Variants in MBD5 observed in about 807,000 individuals in gnomAD.
The protein encoded by MBD5 is methyl-CpG binding domain protein 5.
In MBD5, 13 loss-of-function variants were observed where a neutral mutation model predicts 117.3. The ratio of observed to expected loss-of-function variants is 0.11; its 90% CI spans 0.07 to 0.18. The LOEUF (loss-of-function observed/expected upper bound fraction) is 0.18, where lower values mean the gene tolerates loss of function less well. MBD5 is among the 10% of genes least tolerant of loss of function. The probability of loss-of-function intolerance (pLI) is 1.00; values close to 1 mark genes in which losing one functional copy is unlikely to be tolerated. For synonymous variants in MBD5, 727 were observed against 766.4 expected (o/e 0.95, Z 0.85); for missense variants, 1,879 against 2,093.8 (o/e 0.90, Z 2.00).
chr2:148,224,509 ATTTTTTTTTTTTT>A (rs34659671), intron 2 of MBD5, among the ~76,000 whole-genome samples: 16 of 58,182 alleles, frequency 2.7e-4, no homozygotes, highest in Non-Finnish European at 4.2e-4. Flanking sequence ...CGCCTGGCTA[ATTTTTTTTTTTTT>A]TTTTTTTTTT....
chr2:148,039,173 T>G (rs561626537), intron 1 of MBD5, among the ~76,000 whole-genome samples: 53 of 152,202 alleles, frequency 3.5e-4, no homozygotes, highest in Non-Finnish European at 6.5e-4. Flanking sequence ...GTGAGCATAT[T>G]TTAATTTATA....
At chr2:148,227,340 A>C (rs1220805338) in intron 2 of MBD5, among the ~76,000 whole-genome samples, 1 of 152,214 alleles carries the variant, frequency 6.6e-6, no homozygotes, top group African/African-American at 2.4e-5. Context: ...ATGGCTAGCC[A>C]GTTTTCCCAG....
chr2:148,383,743 A>G (rs1042137476), intron 4 of MBD5, among the ~76,000 whole-genome samples: 1 of 152,184 alleles, frequency 6.6e-6, no homozygotes, highest in East Asian at 1.9e-4. Context: ...CCAGCAACAC[A>G]TCAAAAAGCT....
chr2:148,109,484 A>C (rs1026851786), intron 1 of MBD5, among the ~76,000 whole-genome samples: 2 of 152,196 alleles, frequency 1.3e-5, no homozygotes, highest in African/African-American at 4.8e-5. Context: ...CAATTTTAAA[A>C]GATGTCTTTG....
At chr2:148,481,079 T>A (rs532920602) in intron 8 of MBD5, among the ~76,000 whole-genome samples, 1 of 152,264 alleles carries the variant, frequency 6.6e-6, no homozygotes, top group South Asian at 2.1e-4. Context: ...TCCCTTTTTT[T>A]GATTCTCAAA....
At chr2:148,391,696 C>A (rs1704576025) in intron 4 of MBD5, among the ~76,000 whole-genome samples, 1 of 152,138 alleles carries the variant, frequency 6.6e-6, no homozygotes, top group African/African-American at 2.4e-5. Context: ...GATGTTTTTA[C>A]AATAGGCACA....
chr2:148,405,834 G>T (rs1705058999), intron 4 of MBD5, among the ~76,000 whole-genome samples: 1 of 152,044 alleles, frequency 6.6e-6, no homozygotes, highest in Non-Finnish European at 1.5e-5. Flanking sequence ...AACAGTTGCT[G>T]GTAGCTGGGC....
At chr2:148,128,942 C>G (rs1160745904) in intron 1 of MBD5, among the ~76,000 whole-genome samples, 1 of 152,202 alleles carries the variant, frequency 6.6e-6, no homozygotes. Flanking sequence ...TTGAATGTTT[C>G]TATCAGCATA....
At chr2:148,302,838 C>G (rs972833552) in intron 3 of MBD5, among the ~76,000 whole-genome samples, 4 of 151,582 alleles carry the variant, frequency 2.6e-5, no homozygotes, top group Admixed American at 6.6e-5. Context: ...CACTATCTTG[C>G]CCAGGCTTCT....
chr2:148,026,402 G>T (rs1461550345), intron 1 of MBD5: 1 of 152,102 alleles, frequency 6.6e-6, no homozygotes, highest in Non-Finnish European at 1.5e-5. Context: ...CTTTTATAAG[G>T]AATGTAGATA....
chr2:148,512,039 A>G (rs1406110172), intron 13 of MBD5, among the ~76,000 whole-genome samples: 1 of 152,172 alleles, frequency 6.6e-6, no homozygotes, highest in East Asian at 1.9e-4. Context: ...GCTAAAATGG[A>G]CTTGTGTCGA....
At chr2:148,090,742 GA>G (rs1246924248) in intron 1 of MBD5, among the ~76,000 whole-genome samples, 3 of 152,184 alleles carry the variant, frequency 2.0e-5, no homozygotes, top group East Asian at 1.9e-4. Flanking sequence ...ACATCATATG[GA>G]ATGGGGAAAA....
At chr2:148,455,955 A>G (rs550275414) in intron 4 of MBD5, among the ~76,000 whole-genome samples, 5 of 152,260 alleles carry the variant, frequency 3.3e-5, no homozygotes, top group African/African-American at 9.6e-5. Context: ...CCAGGATGAC[A>G]CAAAGTTCAT....
intron 4 of MBD5, among the ~76,000 whole-genome samples, chr2:148,415,939 CAT>C (rs1307225572): frequency 6.6e-6 from 1 of 152,156 alleles, no homozygotes; most frequent in Non-Finnish European, 1.5e-5. Flanking sequence ...TGTTCTGAGT[CAT>C]ATTCTGAGCT....
intron 3 of MBD5, among the ~76,000 whole-genome samples, chr2:148,274,732 T>G (rs555075283): frequency 1.3e-5 from 2 of 151,552 alleles, no homozygotes; most frequent in African/African-American, 4.8e-5. Flanking sequence ...TTTGTTTTTT[T>G]TTTTTTTGAG....
intron 11 of MBD5, among the ~76,000 whole-genome samples, chr2:148,497,088 A>C (rs1453734700): frequency 6.6e-6 from 1 of 151,840 alleles, no homozygotes; most frequent in African/African-American, 2.4e-5. Flanking sequence ...ACTATTTAAT[A>C]AATGTTTGAT....
chr2:148,057,123 T>G (rs1438069287), intron 1 of MBD5, among the ~76,000 whole-genome samples: 1 of 151,808 alleles, frequency 6.6e-6, no homozygotes, highest in Non-Finnish European at 1.5e-5. Context: ...TGTAATAAGA[T>G]TAGCAATTTT....
chr2:148,294,894 A>C (rs1371825007), intron 3 of MBD5, among the ~76,000 whole-genome samples: 1 of 152,076 alleles, frequency 6.6e-6, no homozygotes, highest in Non-Finnish European at 1.5e-5. Context: ...TCTGGTCTCC[A>C]TTGTTTCTGA....
chr2:148,359,243 G>C (rs932576978), intron 4 of MBD5, among the ~76,000 whole-genome samples: 3 of 143,762 alleles, frequency 2.1e-5, no homozygotes, highest in African/African-American at 7.9e-5. Flanking sequence ...CTTCAGCCTT[G>C]ATGACAGAGT....
Sources: gnomAD v4.1 joint callset for allele counts (sites outside exome capture counted in the v4.1 genomes callset) on GRCh38, gnomAD v4.1.1 for gene constraint, MANE v1.5 for transcripts, NCBI Gene and HGNC (gene_info 2026-07-23, HGNC 2026-07-21) for gene names.